The following DLC1 variants were observed in gnomAD, a reference collection of about 807,000 sequenced individuals.
DLC1 encodes rho GTPase-activating protein 7.
DLC1 carries 54 observed loss-of-function variants against 140.3 expected under a neutral mutation model. That is an observed-to-expected ratio of 0.38 (90% CI 0.31 to 0.48). DLC1 has a LOEUF of 0.48. DLC1 is among the 20% of genes least tolerant of loss of function. DLC1 has a pLI of 0.96. For synonymous variants in DLC1, 986 were observed against 728.1 expected (o/e 1.35, Z -5.70); for missense variants, 2,536 against 1,907.0 (o/e 1.33, Z -6.14).
chr8:13,544,197 AACACACACAC>A (rs3988455), intron 1 of DLC1, among the ~76,000 whole-genome samples: 26,348 of 144,772 alleles, frequency 0.18, 2,761 homozygotes, highest in Admixed American at 0.25. Flanking sequence ...CACACACACA[AACACACACAC>A]ACACACACAC....
chr8:13,359,034 G>A (rs929805531), intron 4 of DLC1, among the ~76,000 whole-genome samples: 16 of 152,272 alleles, frequency 1.1e-4, no homozygotes, highest in African/African-American at 3.1e-4. Flanking sequence ...CGCGTCCCGG[G>A]TTCACGCCAT....
Position 13,579,245 on chromosome 8 carries a change from C to CATACATATATATATATATATATATAT in DLC1, c.-126+25291_-126+25292insATATATATATATATATATATATGTAT, listed in dbSNP as rs1554546967. Among the ~76,000 whole-genome samples, 22 of 18,894 alleles carry CATACATATATATATATATATATATAT rather than the reference C, an allele frequency of 1.2e-3. 4 individuals are homozygous for CATACATATATATATATATATATATAT. The highest frequency in any genetic ancestry group is 1.4e-3 in the African/African-American group (8 of 5,710). The allele number at this position is 18,894 out of a possible 152,430, so 12.4% of individuals were successfully genotyped here. A position where few individuals can be genotyped will look rare whatever the true frequency, so the allele number is the denominator to read the frequency against. On this transcript the variant is annotated intron_variant, in intron 1 of 1. Transcript: ENST00000631382. ...GGAGCTCTAATTGAGGAACAGGGAG[C>CATACATATATATATATATATATATAT]ATATATATATATATATATATATATG...
intron 5 of DLC1, among the ~76,000 whole-genome samples, chr8:13,213,738 A>G (rs1351603815): frequency 6.6e-6 from 1 of 151,408 alleles, no homozygotes; most frequent in Non-Finnish European, 1.5e-5. Context: ...CTTAATGAGA[A>G]TTTGGTAACT....
intron 1 of DLC1, among the ~76,000 whole-genome samples, chr8:13,603,769 G>A (rs1225042069): frequency 1.3e-5 from 2 of 152,052 alleles, no homozygotes; most frequent in African/African-American, 4.8e-5. Context: ...GTTGCTGTAA[G>A]GAAAGCCATG....
chr8:13,086,676 A>G (rs1457431748), intron 16 of DLC1, among the ~76,000 whole-genome samples: 1 of 152,216 alleles, frequency 6.6e-6, no homozygotes, highest in African/African-American at 2.4e-5. Context: ...TGAATGCCCA[A>G]TACAACAGTG....
intron 15 of DLC1, 54 bp downstream of exon 15, chr8:13,090,198 G>C: frequency 1.3e-6 from 2 of 1,499,866 alleles, no homozygotes; most frequent in African/African-American, 1.8e-5. Flanking sequence ...ATCTCTGATG[G>C]ACCCAAGCTT....
intron 5 of DLC1, among the ~76,000 whole-genome samples, chr8:13,176,365 T>C (rs1341860478): frequency 7.9e-5 from 12 of 152,072 alleles, no homozygotes; most frequent in Non-Finnish European, 1.5e-5. Context: ...GATCACAAGG[T>C]CAGGAGATCG....
At chr8:13,189,451 C>G (rs972771340) in intron 5 of DLC1, among the ~76,000 whole-genome samples, 6 of 150,450 alleles carry the variant, frequency 4.0e-5, no homozygotes, top group Admixed American at 2.6e-4. Context: ...GCACTCCACC[C>G]AAGCAAACAA....
At chr8:13,347,100 A>T (rs1834375008) in intron 4 of DLC1, among the ~76,000 whole-genome samples, 1 of 152,226 alleles carries the variant, frequency 6.6e-6, no homozygotes, top group South Asian at 2.1e-4. Context: ...GAAACATAGT[A>T]TACACAGGGT....
chr8:13,271,589 G>T (rs1830933337), intron 5 of DLC1, among the ~76,000 whole-genome samples: 1 of 152,214 alleles, frequency 6.6e-6, no homozygotes, highest in Non-Finnish European at 1.5e-5. Flanking sequence ...TTTTATGTCT[G>T]TTGACTCTCA....
intron 4 of DLC1, among the ~76,000 whole-genome samples, chr8:13,361,943 T>C (rs1835246365): frequency 6.6e-6 from 1 of 152,124 alleles, no homozygotes; most frequent in Non-Finnish European, 1.5e-5. Flanking sequence ...ATTTCCCATA[T>C]AGTCAAGGCA....
intron 2 of DLC1, among the ~76,000 whole-genome samples, chr8:13,452,760 GT>G (rs112791026): frequency 0.02 from 3,032 of 152,194 alleles, 86 homozygotes; most frequent in African/African-American, 0.069. Context: ...GAAATTTTTA[GT>G]TTCAGGGTTA....
At chr8:13,587,453 C>T (rs1399037793) in intron 1 of DLC1, among the ~76,000 whole-genome samples, 5 of 151,500 alleles carry the variant, frequency 3.3e-5, no homozygotes, top group Non-Finnish European at 5.9e-5. Flanking sequence ...ATGTACGATT[C>T]TCTTTTTGTT....
intron 1 of DLC1, among the ~76,000 whole-genome samples, chr8:13,569,872 C>T (rs1804586060): frequency 6.6e-6 from 1 of 152,294 alleles, no homozygotes; most frequent in African/African-American, 2.4e-5. Flanking sequence ...CAGGTGCGTG[C>T]CGCCACGCCT....
chr8:13,220,321 A>G (rs1022133425), intron 5 of DLC1, among the ~76,000 whole-genome samples: 1 of 152,204 alleles, frequency 6.6e-6, no homozygotes, highest in African/African-American at 2.4e-5. Flanking sequence ...TTGAATTTGC[A>G]GCAAAGGATA....
chr8:13,354,952 CAAAAAA>C (rs33950865), intron 4 of DLC1, among the ~76,000 whole-genome samples: 1 of 106,980 alleles, frequency 9.3e-6, no homozygotes, highest in Admixed American at 9.6e-5. Flanking sequence ...GACACTGGCT[CAAAAAA>C]AAAAAAAAAA....
intron 2 of DLC1, among the ~76,000 whole-genome samples, chr8:13,496,791 T>C (rs1346717949): frequency 5.5e-4 from 2 of 3,606 alleles, no homozygotes; most frequent in Non-Finnish European, 3.0e-3. Context: ...ATTTCCTTTT[T>C]TTTTTTTTTT....
intron 6 of DLC1, among the ~76,000 whole-genome samples, chr8:13,113,365 G>A (rs1021766651): frequency 1.3e-5 from 2 of 152,282 alleles, no homozygotes; most frequent in African/African-American, 4.8e-5. Context: ...GGGAGGCAAT[G>A]GCCCAGAACA....
At chr8:13,597,139 T>G (rs1459305407) in intron 1 of DLC1, among the ~76,000 whole-genome samples, 6 of 151,976 alleles carry the variant, frequency 3.9e-5, no homozygotes, top group African/African-American at 1.4e-4. Flanking sequence ...CGTTTGCAGT[T>G]TAGGAGCCAA....
Sources: gnomAD v4.1 joint callset for allele counts (sites outside exome capture counted in the v4.1 genomes callset) on GRCh38, gnomAD v4.1.1 for gene constraint, MANE v1.5 for transcripts, NCBI Gene and HGNC (gene_info 2026-07-23, HGNC 2026-07-21) for gene names.